Variants in SPRED2 observed in about 807,000 individuals in gnomAD.
SPRED2 encodes sprouty-related, EVH1 domain-containing protein 2.
Under a neutral mutation model 43.0 loss-of-function variants are expected in SPRED2, and 47 were observed. The ratio of observed to expected loss-of-function variants is 1.09; its 90% confidence interval spans 0.87 to 1.40. The LOEUF is 1.40. SPRED2 is among the 40% of genes most tolerant of loss of function. The pLI is 0.00. For missense variants in SPRED2, 561 were observed against 586.4 expected, an observed-to-expected ratio of 0.96 and a Z score of 0.45; for synonymous variants, 225 against 225.7, an observed-to-expected ratio of 1.00 and a Z score of 0.03.
At chr2:65,392,212 C>T (rs1169880677) in intron 1 of SPRED2, among the ~76,000 whole-genome samples, 2 of 129,460 alleles carry the variant, frequency 1.5e-5, no homozygotes, top group African/African-American at 5.9e-5. Context: ...CAGGGTCTTG[C>T]TCTGTCACCT....
intron 1 of SPRED2, among the ~76,000 whole-genome samples, chr2:65,364,208 T>C (rs1011189704): frequency 2.0e-5 from 3 of 152,170 alleles, no homozygotes; most frequent in African/African-American, 7.2e-5. Flanking sequence ...AGTAAATCTA[T>C]GAATAAAAGA....
intron 1 of SPRED2, among the ~76,000 whole-genome samples, chr2:65,375,485 A>G (rs1357012344): frequency 1.3e-5 from 2 of 152,220 alleles, no homozygotes; most frequent in Non-Finnish European, 2.9e-5. Context: ...AAAAGGGCCA[A>G]AGGAGGAGGG....
chr2:65,314,691 A>ACAC (rs1462037149), intron 5 of SPRED2, among the ~76,000 whole-genome samples: 1 of 152,240 alleles, frequency 6.6e-6, no homozygotes. Context: ...TTGAAATAGA[A>ACAC]TAAGGACACT....
chr2:65,423,361 A>G (rs1379749067), intron 1 of SPRED2, among the ~76,000 whole-genome samples: 1 of 152,248 alleles, frequency 6.6e-6, no homozygotes, highest in African/African-American at 2.4e-5. Context: ...CTAAGAGAAC[A>G]GACAAGCTAT....
intron 4 of SPRED2, among the ~76,000 whole-genome samples, chr2:65,320,200 G>T (rs982214319): frequency 2.0e-5 from 3 of 152,164 alleles, no homozygotes; most frequent in African/African-American, 7.2e-5. Context: ...CATCTATTAG[G>T]TTAGAAGTTA....
rs1572824646 is a variant in SPRED2 at position 65,311,890 on chromosome 2, C to T, written c.*1611G>A. ...GGCAGACTGGAAAAAAGTCCCTTTC[C>T]TTGAAGACTGGTGTCCTGTGTGCAA... On this transcript the variant is annotated 3_prime_UTR_variant, in exon 6 of 6. Coordinates refer to ENST00000356388, the MANE Select transcript of SPRED2 (RefSeq NM_181784.3). 1 of 985,408 alleles carries T rather than the reference C, an allele frequency of 1.0e-6. No homozygotes were observed. Among genetic ancestry groups the T allele is most frequent in the East Asian group, 1.1e-4 (1 of 8,802 alleles). 61.0% of individuals were successfully genotyped at this position (985,408 alleles called of 1,614,324 possible).
chr2:65,360,101 A>AAAAAAAAAAAAAAAAAAAAAAC (rs1674768482), intron 1 of SPRED2, among the ~76,000 whole-genome samples: 2 of 12,612 alleles, frequency 1.6e-4, no homozygotes, highest in Non-Finnish European at 5.9e-4. Context: ...AAAAAAAAAC[A>AAAAAAAAAAAAAAAAAAAAAAC]AAAAAAAAAA....
intron 4 of SPRED2, among the ~76,000 whole-genome samples, chr2:65,321,424 C>G (rs73936451): frequency 0.027 from 3,963 of 148,054 alleles, 171 homozygotes; most frequent in African/African-American, 0.094. Context: ...GTAATCCCAG[C>G]GCTTTGGGAG....
intron 1 of SPRED2, among the ~76,000 whole-genome samples, chr2:65,372,917 T>G (rs1406783658): frequency 6.6e-6 from 1 of 152,202 alleles, no homozygotes; most frequent in Non-Finnish European, 1.5e-5. Flanking sequence ...AAGAATAGTC[T>G]TAAGCAGAGA....
intron 1 of SPRED2, among the ~76,000 whole-genome samples, chr2:65,354,088 C>A (rs1442176864): frequency 6.6e-6 from 1 of 152,200 alleles, no homozygotes; most frequent in Non-Finnish European, 1.5e-5. Context: ...AACACGTAAG[C>A]TTTACAGAGG....
At chr2:65,401,569 G>A (rs1675888626) in intron 1 of SPRED2, among the ~76,000 whole-genome samples, 1 of 151,870 alleles carries the variant, frequency 6.6e-6, no homozygotes, top group Non-Finnish European at 1.5e-5. Flanking sequence ...GCTGAGGCGG[G>A]CAGATCATGA....
intron 2 of SPRED2, among the ~76,000 whole-genome samples, chr2:65,341,100 C>T (rs1303887338): frequency 3.2e-5 from 2 of 62,702 alleles, no homozygotes; most frequent in African/African-American, 1.3e-4. Context: ...AGACTGGGTA[C>T]GGGCGTGTGT....
Position 65,344,746 on chromosome 2 carries a change from G to T in SPRED2, c.177C>A (p.Ile59=), listed in dbSNP as rs199748992. ...GTTTGTCTTTCTGTCGTTCACCATG[G>T]ATGAGAAAGCCGCTTCGTCCATTGC... is the stretch of plus-strand genomic sequence containing the variant. The part of the protein sequence containing the change: ...PEGNGRSGFL[I]HGERQKDKLV... The change falls in exon 2 of 6, where the codon ATC becomes ATA. Residue 59 remains isoleucine (I), a synonymous_variant. Transcript: ENST00000356388. 3.1e-6 allele frequency: 5 copies of T among 1,614,046 alleles called. No individual in the cohort carries two copies. The African/African-American group carries it at 6.7e-5, about 22-fold the overall frequency.
intron 2 of SPRED2, among the ~76,000 whole-genome samples, chr2:65,338,675 T>C (rs1674059931): frequency 6.6e-6 from 1 of 151,660 alleles, no homozygotes; most frequent in Non-Finnish European, 1.5e-5. Context: ...CCGCCTGCCT[T>C]GGCCCCCCAA....
chr2:65,415,215 A>C (rs917060509), intron 1 of SPRED2, among the ~76,000 whole-genome samples: 4 of 152,236 alleles, frequency 2.6e-5, no homozygotes, highest in Non-Finnish European at 4.4e-5. Flanking sequence ...ATTTTTATGT[A>C]TGCCCTTCAC....
chr2:65,399,457 A>T (rs1008930738), intron 1 of SPRED2, among the ~76,000 whole-genome samples: 2 of 138,104 alleles, frequency 1.4e-5, no homozygotes, highest in African/African-American at 5.5e-5. Context: ...ATCTCAGCTC[A>T]CTGCAACCTC....
chr2:65,308,378 G>A (rs186023275), downstream of SPRED2: 2,800 of 985,476 alleles, frequency 2.8e-3, 4 homozygotes, highest in Non-Finnish European at 3.1e-3. Flanking sequence ...TTCTGCAGCC[G>A]TCCTTGGAGC....
At chr2:65,325,736 T>C (rs1673591775) in intron 4 of SPRED2, among the ~76,000 whole-genome samples, 1 of 151,930 alleles carries the variant, frequency 6.6e-6, no homozygotes, top group Admixed American at 6.6e-5. Flanking sequence ...AGGTCAGGAG[T>C]TGGAGACCAG....
intron 1 of SPRED2, among the ~76,000 whole-genome samples, chr2:65,376,103 C>T (rs1408964575): frequency 1.3e-5 from 2 of 152,210 alleles, no homozygotes; most frequent in Non-Finnish European, 2.9e-5. Context: ...ACCACACCTC[C>T]TCCGAAGAAA....
Sources: allele counts gnomAD v4.1 joint callset (sites outside exome capture counted in the v4.1 genomes callset), GRCh38; gene constraint gnomAD v4.1.1; transcripts MANE v1.5; gene names NCBI Gene and HGNC (gene_info 2026-07-23, HGNC 2026-07-21).